The following DNAH12 variants were observed in gnomAD, a reference collection of about 807,000 sequenced individuals.
DNAH12 encodes axonemal beta dynein heavy chain 12.
DNAH12 carries 285 observed loss-of-function variants against 371.5 expected under a neutral mutation model. The ratio of observed to expected loss-of-function variants is 0.77; its 90% confidence interval spans 0.70 to 0.85. The LOEUF is 0.85. Ranked by LOEUF, DNAH12 falls within the 40% of genes least tolerant of loss-of-function variation. The pLI is 0.00. For synonymous variants in DNAH12, 1,200 were observed against 1,213.0 expected, an observed-to-expected ratio of 0.99 and a Z score of 0.22; for missense variants, 3,611 against 3,689.4, an observed-to-expected ratio of 0.98 and a Z score of 0.55.
intron 8 of DNAH12, among the ~76,000 whole-genome samples, chr3:57,504,659 A>G (rs2067685074): frequency 1.3e-5 from 2 of 152,208 alleles, no homozygotes; most frequent in East Asian, 3.8e-4. Flanking sequence ...ATATTCTGAT[A>G]CAGGAATGTA....
the DNAH12 span, among the ~76,000 whole-genome samples, chr3:57,552,048 T>C: frequency 6.6e-6 from 1 of 150,766 alleles, no homozygotes; most frequent in Admixed American, 6.6e-5. Flanking sequence ...ATCGAGACCA[T>C]CCTGGCTAAC....
chr3:57,425,322 A>G (rs2064731770), intron 34 of DNAH12, among the ~76,000 whole-genome samples, 181 bp from the exon 35 acceptor site: 1 of 151,896 alleles, frequency 6.6e-6, no homozygotes, highest in African/African-American at 2.4e-5. Context: ...ATCATAGCTC[A>G]CTGCAGCCTC....
Position 57,316,624 on chromosome 3 carries a change from C to T in DNAH12, c.10525-1993G>A, listed in dbSNP as rs557584790. 1.9e-4 allele frequency among the ~76,000 whole-genome samples: 29 copies of T among 152,248 alleles called. No homozygotes were observed. The South Asian group carries it at 3.3e-3, about 17-fold the overall frequency. On this transcript the variant is annotated intron_variant, in intron 65 of 73. Transcript: ENST00000495027. ...AAATCTCAGCTCAATTTGTAATCCC[C>T]GCTTTTCAAGGGAGGGACCTATAAT...
intron 8 of DNAH12, among the ~76,000 whole-genome samples, chr3:57,507,157 TGAG>T (rs1301656641): frequency 2.0e-5 from 3 of 152,226 alleles, no homozygotes; most frequent in East Asian, 3.9e-4. Context: ...AGTAAAAATT[TGAG>T]GAGGCCATAA....
intron 64 of DNAH12, 117 bp from the exon 65 acceptor site, chr3:57,322,600 C>T: frequency 1.6e-6 from 2 of 1,217,998 alleles, no homozygotes; most frequent in Non-Finnish European, 2.2e-6. Context: ...ATTCAAAAAA[C>T]CTCTTAAGGT....
rs1575723968 is a variant in DNAH12 at position 57,519,776 on chromosome 3, C to T, written c.279+3807G>A. On this transcript the variant is annotated intron_variant, in intron 4 of 73. Coordinates refer to ENST00000495027, the MANE Select transcript of DNAH12 (RefSeq NM_001366028.2). ...CAGTTGCGGAAGGAATGATTACATT[C>T]TCCCAAGACCACAACACAGTCCTCT... 6.9e-5 allele frequency: 108 copies of T among 1,565,996 alleles called. 3 individuals carry two copies. In the South Asian group the frequency reaches 1.2e-3, roughly 17 times the overall value.
intron 57 of DNAH12, among the ~76,000 whole-genome samples, chr3:57,365,197 T>C (rs1170126446): frequency 6.6e-6 from 1 of 152,118 alleles, no homozygotes; most frequent in Non-Finnish European, 1.5e-5. Context: ...AGCAAAGACA[T>C]GGAATCAACC....
intron 70 of DNAH12, 137 bp from the exon 71 acceptor site, chr3:57,297,121 C>G (rs2061248928): frequency 3.3e-6 from 3 of 916,428 alleles, no homozygotes; most frequent in East Asian, 5.3e-5. Flanking sequence ...TGACGTCAAA[C>G]ACACAGCCTA....
At chr3:57,336,471 GA>G (rs1457257497) in intron 60 of DNAH12, among the ~76,000 whole-genome samples, 1 of 151,902 alleles carries the variant, frequency 6.6e-6, no homozygotes, top group Non-Finnish European at 1.5e-5. Flanking sequence ...TATAGGAATA[GA>G]AAAAAACCTA....
intron 13 of DNAH12, among the ~76,000 whole-genome samples, chr3:57,478,422 T>C (rs2066613402): frequency 6.6e-6 from 1 of 152,104 alleles, no homozygotes. Context: ...TATGGGACTA[T>C]GTGAAAAGAC....
Position 57,433,765 on chromosome 3 carries a change from C to T in DNAH12, c.4719G>A (p.Thr1573=), listed in dbSNP as rs201719583. 515 of 1,551,082 alleles carry T rather than the reference C, an allele frequency of 3.3e-4. 2 individuals carry two copies. Among genetic ancestry groups the T allele is most frequent in the Non-Finnish European group, 4.1e-4 (469 of 1,146,796 alleles). ...KTKVLHVLAD[T]LTLMNEHGYG... ...AGCCATGTTCATTCATTAAAGTTAG[C>T]GTATCCGCCAGCACATGCAGAACTT... Residue 1573 remains threonine, a synonymous_variant, in exon 31 of 74, where the codon ACG becomes ACA. Transcript: ENST00000495027.
In DNAH12 at chr3:57,433,682, C is replaced by G. The variant is rs1294693971; in HGVS notation, c.4802G>C (p.Gly1601Ala). 6.4e-7 allele frequency: 1 copy of G among 1,550,506 alleles called. No homozygotes were observed. Among genetic ancestry groups the G allele is most frequent in the Non-Finnish European group, 8.7e-7 (1 of 1,146,778 alleles). The change falls in exon 31 of 74, where the codon GGC (glycine) becomes GCC (alanine). Residue 1601 changes from glycine to alanine, a missense_variant. Physicochemically the swap from Gly to Ala is moderately conservative, Grantham distance 60. This residue lies in a region of DNAH12 where 2,266 missense variants were observed against 2,236.9 expected (regional missense o/e 1.01). Transcript: ENST00000495027. ...TGGGTCAAACTGTCCAAAAAGTTGG[C>G]CCATAGTAATAGATTTGGGGTTTAC... is the stretch of plus-strand genomic sequence containing the variant. ...RTVNPKSITM[G>A]QLFGQFDPVS...
At chr3:57,348,738 C>T (rs1056021706) in intron 60 of DNAH12, among the ~76,000 whole-genome samples, 2 of 152,160 alleles carry the variant, frequency 1.3e-5, no homozygotes, top group African/African-American at 4.8e-5. Context: ...AATCGAGTGA[C>T]ATACTATGTT....
rs891815240 is a variant in DNAH12 at position 57,433,354 on chromosome 3, G to T, written c.4980+13C>A. ...TCATGGCTGAATCTGCTTCTCTTTTGATCATGATTTACCTTTTTATTATCA... is the reference window on the plus strand; with the variant it reads ...TCATGGCTGAATCTGCTTCTCTTTTTATCATGATTTACCTTTTTATTATCA... On this transcript the variant is annotated intron_variant, in intron 32 of 73. Transcript: ENST00000495027. 28 of 1,544,254 alleles carry T rather than the reference G, an allele frequency of 1.8e-5. No individual in the cohort carries two copies. The highest frequency in any genetic ancestry group is 2.3e-5 in the Non-Finnish European group (26 of 1,144,068).
chr3:57,447,887 C>T (rs549061360), intron 25 of DNAH12, among the ~76,000 whole-genome samples: 112 of 152,216 alleles, frequency 7.4e-4, no homozygotes, highest in African/African-American at 2.5e-3. Context: ...GTTGCCCAAG[C>T]TGGTCTCAAA....
intron 60 of DNAH12, among the ~76,000 whole-genome samples, chr3:57,339,316 T>C (rs2062331694): frequency 6.7e-6 from 1 of 150,284 alleles, no homozygotes; most frequent in Admixed American, 6.7e-5. Context: ...TTCTCTCCAC[T>C]ATTATCCTAT....
upstream of DNAH12, among the ~76,000 whole-genome samples, chr3:57,545,247 G>A (rs186561989): frequency 1.9e-4 from 28 of 150,234 alleles, no homozygotes; most frequent in Admixed American, 1.7e-3. Flanking sequence ...AGGTTCAAGT[G>A]ATTGTCTTGC....
At chr3:57,465,285 T>C (rs73076492) in intron 17 of DNAH12, among the ~76,000 whole-genome samples, 1,887 of 152,280 alleles carry the variant, frequency 0.012, 21 homozygotes, top group South Asian at 0.051. Flanking sequence ...TTTAAAAACC[T>C]TTCCTACAAA....
intron 2 of DNAH12, among the ~76,000 whole-genome samples, chr3:57,531,170 T>A (rs1468355130): frequency 2.6e-5 from 4 of 152,244 alleles, no homozygotes; most frequent in Admixed American, 6.5e-5. Flanking sequence ...TCTTTCTGAT[T>A]GAAGTACCTT....
Sources: gnomAD v4.1 joint callset for allele counts (sites outside exome capture counted in the v4.1 genomes callset) on GRCh38, gnomAD v4.1.1 for gene constraint, gnomAD v4.1.1 regional missense constraint, MANE v1.5 for transcripts, NCBI Gene and HGNC (gene_info 2026-07-23, HGNC 2026-07-21) for gene names.